CEMIP2: variants seen among roughly 807,000 people sequenced by gnomAD.
CEMIP2 encodes the protein cell surface hyaluronidase CEMIP2.
Under a neutral mutation model 146.9 loss-of-function variants are expected in CEMIP2, and 79 were observed. The observed-to-expected ratio is 0.54, with a 90% CI of 0.45 to 0.65. The LOEUF (loss-of-function observed/expected upper bound fraction) is 0.65, where lower values mean the gene tolerates loss of function less well. Among genes scored for constraint, CEMIP2 ranks in the 30% least tolerant of loss-of-function variants. CEMIP2 has a pLI of 0.00. For missense variants in CEMIP2, 1,596 were observed against 1,696.2 expected (o/e 0.94, Z 1.04); for synonymous variants, 601 against 606.3 (o/e 0.99, Z 0.13).
chr9:71,719,842 CAAAAAA>C (rs34555277), intron 12 of CEMIP2, among the ~76,000 whole-genome samples: 4 of 93,196 alleles, frequency 4.3e-5, no homozygotes, highest in Admixed American at 1.3e-4. Context: ...TAAACGAAAG[CAAAAAA>C]AAAAAAAAAA....
intron 1 of CEMIP2, among the ~76,000 whole-genome samples, chr9:71,753,707 T>C (rs1824327129): frequency 6.7e-6 from 1 of 148,964 alleles, no homozygotes; most frequent in Admixed American, 6.6e-5. Flanking sequence ...TTTAAAAATA[T>C]AAGATACATT....
In CEMIP2 at chr9:71,725,576, C is replaced by T. The variant is rs771541691; in HGVS notation, c.2178+5G>A. The T allele has an allele frequency of 1.9e-6, 3 of 1,613,056 alleles. No individual in the cohort carries two copies. Among genetic ancestry groups the T allele is most frequent in the Non-Finnish European group, 2.5e-6 (3 of 1,179,744 alleles). On this transcript the variant is annotated splice_donor_5th_base_variant and intron_variant, in intron 11 of 23. Coordinates refer to ENST00000377044, the MANE Select transcript of CEMIP2 (RefSeq NM_013390.3). ...TGTACTAATTGTTAAAACTTAGAAACCTACCTTAAAATTTGAATGGACCCT... is the reference window on the plus strand; with the variant it reads ...TGTACTAATTGTTAAAACTTAGAAATCTACCTTAAAATTTGAATGGACCCT...
At chr9:71,726,609 A>G (rs1376401183) in intron 10 of CEMIP2, among the ~76,000 whole-genome samples, 1 of 152,238 alleles carries the variant, frequency 6.6e-6, no homozygotes, top group African/African-American at 2.4e-5. Context: ...AATATACCTA[A>G]TAAGTACTTA....
intron 1 of CEMIP2, among the ~76,000 whole-genome samples, chr9:71,762,007 C>T (rs1053194976): frequency 1.4e-4 from 21 of 148,424 alleles, no homozygotes; most frequent in Non-Finnish European, 2.4e-4. Flanking sequence ...ATTTAAATGA[C>T]GACACGTTGC....
At position 71,750,174 on chromosome 9, in the gene CEMIP2, T is replaced by C. The variant is rs1589164226; in HGVS notation, c.200A>G (p.Gln67Arg). 6.2e-7 allele frequency: 1 copy of C among 1,614,050 alleles called. No homozygotes were observed. The highest frequency in any genetic ancestry group is 1.3e-5 in the African/African-American group (1 of 75,064). Residue 67 changes from glutamine to arginine, a missense_variant, in exon 2 of 24, where the codon CAG becomes CGG. Physicochemically the swap from Gln to Arg is conservative, Grantham distance 43. Coordinates refer to ENST00000377044, the MANE Select transcript of CEMIP2 (RefSeq NM_013390.3). ...RATFAFSPEE[Q>R]QAQRESQKQK... ...CTTTTGACTTTCTCTCTGGGCTTGC[T>C]GTTCTTCAGGTGAGAATGCGAAGGT...
chr9:71,728,257 A>ATATAAATCAG (rs1823468826), intron 10 of CEMIP2, among the ~76,000 whole-genome samples: 1 of 19,616 alleles, frequency 5.1e-5, no homozygotes, highest in Non-Finnish European at 1.3e-4. Context: ...ATATGTATAT[A>ATATAAATCAG]CACGTATATA....
chr9:71,769,079 C>T (rs1000282173), upstream of CEMIP2, among the ~76,000 whole-genome samples: 1 of 152,134 alleles, frequency 6.6e-6, no homozygotes, highest in Non-Finnish European at 1.5e-5. Flanking sequence ...AGCGCACTGC[C>T]GGCGGGGCAG....
In CEMIP2 at chr9:71,721,420, T is replaced by G. The variant is rs186232540; in HGVS notation, c.2267+1007A>C. Among the ~76,000 whole-genome samples the G allele has an allele frequency of 1.2e-3, 187 of 152,342 alleles. 2 individuals are homozygous for G. Among genetic ancestry groups the G allele is most frequent in the African/African-American group, 4.2e-3 (174 of 41,592 alleles). On this transcript the variant is annotated intron_variant, in intron 12 of 23. Transcript: ENST00000377044. The stretch of plus-strand genomic sequence containing the variant: ...ATCCAGTTCTTTGTGTTTTATTTTT[T>G]AAAACGCCCACAGTTTCTTGGTTTC...
In CEMIP2 at chr9:71,746,257, T is replaced by A. The variant is rs1437734831; in HGVS notation, c.416A>T (p.Asp139Val). Residue 139 changes from aspartate (D) to valine (V), a missense_variant, in exon 3 of 24, where the codon GAT becomes GTT. By Grantham distance (152) the Asp-to-Val change is radical. Transcript: ENST00000377044. The stretch of plus-strand genomic sequence containing the variant: ...GGCGTCTGAGGTCAGACGGAGCATA[T>A]CTCCCTCCTTGATAACAACTTGCTT... Reference protein sequence around the residue: ...SAKQVVIKEGDMLRLTSDATV... With the variant: ...SAKQVVIKEGVMLRLTSDATV... 1.2e-6 allele frequency: 2 copies of A among 1,613,796 alleles called. No homozygotes were observed. Among genetic ancestry groups the A allele is most frequent in the East Asian group, 2.2e-5 (1 of 44,876 alleles).
At chr9:71,728,250 T>TACACGTATATATATATATATATAC (rs1564012216) in intron 10 of CEMIP2, among the ~76,000 whole-genome samples, 1 of 23,446 alleles carries the variant, frequency 4.3e-5, no homozygotes, top group African/African-American at 9.3e-5. Flanking sequence ...TATATATATA[T>TACACGTATATATATATATATATAC]GTATATACAC....
At chr9:71,701,915 T>G (rs188340258) in intron 18 of CEMIP2, among the ~76,000 whole-genome samples, 6 of 152,292 alleles carry the variant, frequency 3.9e-5, no homozygotes, top group Admixed American at 6.5e-5. Context: ...TTTCCCAAAC[T>G]TTTTTGTCAT....
chr9:71,705,297 A>G (rs1047854934), intron 17 of CEMIP2, among the ~76,000 whole-genome samples: 15 of 152,214 alleles, frequency 9.9e-5, no homozygotes, highest in Admixed American at 3.3e-4. Flanking sequence ...CCATTCAAAA[A>G]AAAAAAAAGT....
intron 17 of CEMIP2, among the ~76,000 whole-genome samples, chr9:71,707,239 GA>G (rs1194961727): frequency 7.9e-5 from 12 of 151,998 alleles, no homozygotes; most frequent in African/African-American, 2.9e-4. Flanking sequence ...AAGATAAATG[GA>G]AAAAATAAAT....
At chr9:71,720,194 C>G (rs528498634) in intron 12 of CEMIP2, among the ~76,000 whole-genome samples, 1 of 152,312 alleles carries the variant, frequency 6.6e-6, no homozygotes, top group African/African-American at 2.4e-5. Flanking sequence ...TTCCTAATTT[C>G]AAACCAAGAG....
chr9:71,694,288 A>G (rs1007972618), intron 21 of CEMIP2, among the ~76,000 whole-genome samples: 7 of 151,864 alleles, frequency 4.6e-5, no homozygotes, highest in Non-Finnish European at 7.4e-5. Flanking sequence ...CTCTACGCCC[A>G]GCTAATTTTT....
intron 1 of CEMIP2, among the ~76,000 whole-genome samples, chr9:71,752,678 C>T (rs1471226595): frequency 1.3e-5 from 2 of 152,020 alleles, no homozygotes; most frequent in African/African-American, 4.8e-5. Context: ...TCCCCTTCAT[C>T]TTCTGCCAAA....
chr9:71,728,692 T>G (rs62547022), intron 10 of CEMIP2, among the ~76,000 whole-genome samples: 10,689 of 152,056 alleles, frequency 0.07, 541 homozygotes, highest in South Asian at 0.19. Flanking sequence ...AAATTCCCAC[T>G]TGTATATAAA....
Position 71,709,240 on chromosome 9 carries a change from A to T in CEMIP2, c.2985+19T>A, listed in dbSNP as rs776107712. On this transcript the variant is annotated intron_variant, in intron 17 of 23. Transcript: ENST00000377044. ...AGGAGCTGGTAGGAACTTGAGCATTATACATTTGCTAAGCCTACCTGTGCA... is the reference window on the plus strand; with the variant it reads ...AGGAGCTGGTAGGAACTTGAGCATTTTACATTTGCTAAGCCTACCTGTGCA... 8.1e-6 allele frequency: 13 copies of T among 1,612,562 alleles called. No individual in the cohort carries two copies. The South Asian group carries it at 1.2e-4, about 15-fold the overall frequency.
chr9:71,721,861 C>T (rs900798843), intron 12 of CEMIP2, among the ~76,000 whole-genome samples: 5 of 152,146 alleles, frequency 3.3e-5, no homozygotes, highest in African/African-American at 9.7e-5. Context: ...TGTAAGAGAA[C>T]TCTGCTGAAA....
Sources: gnomAD v4.1 joint callset for allele counts (sites outside exome capture counted in the v4.1 genomes callset) on GRCh38, gnomAD v4.1.1 for gene constraint, MANE v1.5 for transcripts, NCBI Gene and HGNC (gene_info 2026-07-23, HGNC 2026-07-21) for gene names.